Variants in MACROD2 observed in about 807,000 individuals in gnomAD.
MACROD2 encodes mono-ADP ribosylhydrolase 2, also known as ADP-ribose glycohydrolase MACROD2.
A neutral mutation model predicts 70.4 loss-of-function variants in MACROD2; 36 were observed. The observed-to-expected ratio is 0.51, with a 90% CI of 0.39 to 0.68. The LOEUF (loss-of-function observed/expected upper bound fraction) is 0.68. MACROD2 is among the 30% of genes least tolerant of loss of function. MACROD2 has a pLI of 0.00. For missense variants in MACROD2, 496 were observed against 538.4 expected (o/e 0.92, Z 0.78); for synonymous variants, 172 against 178.8 (o/e 0.96, Z 0.30).
At chr20:15,610,962 T>G (rs367929733) in intron 8 of MACROD2, among the ~76,000 whole-genome samples, 1 of 152,120 alleles carries the variant, frequency 6.6e-6, no homozygotes. Context: ...CATCTTGTGC[T>G]TTTCTTTTTA....
chr20:15,139,629 G>GA (rs893100733), intron 5 of MACROD2, among the ~76,000 whole-genome samples: 68 of 151,210 alleles, frequency 4.5e-4, no homozygotes, highest in African/African-American at 1.3e-3. Flanking sequence ...TGTATTGGGA[G>GA]AAAAAAAAAT....
intron 5 of MACROD2, among the ~76,000 whole-genome samples, chr20:14,847,091 G>GA (rs5840635): frequency 0.57 from 87,020 of 151,556 alleles, 26,141 homozygotes; most frequent in Non-Finnish European, 0.67. Flanking sequence ...TTAGACAAAA[G>GA]AAAAAAAAGT....
At chr20:15,585,916 C>T (rs1264466091) in intron 8 of MACROD2, among the ~76,000 whole-genome samples, 2 of 152,130 alleles carry the variant, frequency 1.3e-5, no homozygotes, top group African/African-American at 4.8e-5. Context: ...CAATGCCTTT[C>T]CTTTACTATT....
At chr20:14,310,446 C>T (rs1288771189) in intron 3 of MACROD2, among the ~76,000 whole-genome samples, 10 of 152,048 alleles carry the variant, frequency 6.6e-5, no homozygotes, top group Non-Finnish European at 1.0e-4. Flanking sequence ...TTCCTATGGC[C>T]GTCATAAGGT....
intron 3 of MACROD2, among the ~76,000 whole-genome samples, chr20:14,294,308 A>G (rs2082410012): frequency 6.6e-6 from 1 of 150,776 alleles, no homozygotes; most frequent in Non-Finnish European, 1.5e-5. Context: ...GGGGATAAAT[A>G]AAAAGCCTAC....
chr20:15,931,829 T>C (rs1337634671), intron 10 of MACROD2, among the ~76,000 whole-genome samples: 1 of 152,152 alleles, frequency 6.6e-6, no homozygotes, highest in African/African-American at 2.4e-5. Flanking sequence ...CAAATCTAAA[T>C]GTTTCCCCAT....
chr20:15,065,877 A>T (rs548198150), intron 5 of MACROD2, among the ~76,000 whole-genome samples: 1 of 152,272 alleles, frequency 6.6e-6, no homozygotes, highest in South Asian at 2.1e-4. Context: ...CTGTTGTTGC[A>T]TAAGAAACAA....
At chr20:14,873,317 G>T (rs1268292346) in intron 5 of MACROD2, among the ~76,000 whole-genome samples, 1 of 151,852 alleles carries the variant, frequency 6.6e-6, no homozygotes, top group Non-Finnish European at 1.5e-5. Flanking sequence ...TCTTTTATTA[G>T]GTTTCTTTTT....
At chr20:14,456,425 T>G (rs1472757763) in intron 3 of MACROD2, among the ~76,000 whole-genome samples, 1 of 151,872 alleles carries the variant, frequency 6.6e-6, no homozygotes, top group Non-Finnish European at 1.5e-5. Context: ...AGCTCATCAT[T>G]CATGATTAAA....
intron 12 of MACROD2, among the ~76,000 whole-genome samples, chr20:15,958,873 G>A (rs1312629917): frequency 6.6e-6 from 1 of 152,128 alleles, no homozygotes; most frequent in Non-Finnish European, 1.5e-5. Flanking sequence ...ACCAGAAGGC[G>A]GCCATCTGCA....
intron 6 of MACROD2, among the ~76,000 whole-genome samples, chr20:15,269,547 A>G (rs2077327587): frequency 6.6e-6 from 1 of 152,226 alleles, no homozygotes. Context: ...GAGTAAGATG[A>G]TAGTCAGCAG....
At chr20:15,548,321 C>A (rs1357383341) in intron 8 of MACROD2, among the ~76,000 whole-genome samples, 1 of 152,166 alleles carries the variant, frequency 6.6e-6, no homozygotes, top group Admixed American at 6.5e-5. Context: ...TTCTCTAACA[C>A]TCCTCCCTTT....
intron 3 of MACROD2, among the ~76,000 whole-genome samples, chr20:14,444,080 A>G (rs2058668093): frequency 6.6e-6 from 1 of 152,184 alleles, no homozygotes; most frequent in South Asian, 2.1e-4. Flanking sequence ...ATTTATAATT[A>G]GTGTCACTGT....
intron 3 of MACROD2, among the ~76,000 whole-genome samples, chr20:14,397,093 C>G (rs1272587382): frequency 6.9e-6 from 1 of 145,522 alleles, no homozygotes; most frequent in African/African-American, 2.5e-5. Flanking sequence ...CTTCTGGGTT[C>G]ACACCATTCT....
intron 6 of MACROD2, among the ~76,000 whole-genome samples, chr20:15,344,316 C>G (rs938505216): frequency 1.8e-4 from 27 of 152,168 alleles, no homozygotes; most frequent in African/African-American, 5.8e-4. Flanking sequence ...TAGATTAGAC[C>G]ATCCCAACTG....
intron 3 of MACROD2, among the ~76,000 whole-genome samples, chr20:14,426,708 A>G (rs571040371): frequency 2.6e-5 from 4 of 152,258 alleles, no homozygotes; most frequent in Admixed American, 6.5e-5. Context: ...TATCCCAGAG[A>G]AGGATCCTCT....
chr20:14,808,047 C>T (rs767414494), intron 5 of MACROD2, among the ~76,000 whole-genome samples: 2 of 152,028 alleles, frequency 1.3e-5, no homozygotes, highest in Non-Finnish European at 2.9e-5. Flanking sequence ...AGAACTTCCC[C>T]AACCGAGCAA....
chr20:15,751,473 G>C (rs565879903), intron 8 of MACROD2, among the ~76,000 whole-genome samples: 15 of 152,066 alleles, frequency 9.9e-5, no homozygotes, highest in Non-Finnish European at 1.5e-4. Context: ...GTTCATTGAA[G>C]GGTAACATAT....
At chr20:14,216,712 G>T (rs139972378) in intron 3 of MACROD2, among the ~76,000 whole-genome samples, 4 of 152,076 alleles carry the variant, frequency 2.6e-5, no homozygotes, top group African/African-American at 4.8e-5. Flanking sequence ...CCTTGTAGAG[G>T]TCTTTCGACT....
Sources: allele counts gnomAD v4.1 joint callset (sites outside exome capture counted in the v4.1 genomes callset), GRCh38; gene constraint gnomAD v4.1.1; transcripts MANE v1.5; gene names NCBI Gene and HGNC (gene_info 2026-07-23, HGNC 2026-07-21).